Variants in NRG1 observed in about 807,000 individuals in gnomAD.
NRG1 encodes pro-neuregulin-1, membrane-bound isoform.
In NRG1, 18 loss-of-function variants were observed where a neutral mutation model predicts 63.8. The observed-to-expected ratio is 0.28, with a 90% CI of 0.19 to 0.42. The LOEUF is 0.42. NRG1 is among the 10% of genes least tolerant of loss of function. The probability of loss-of-function intolerance (pLI) is 1.00; values close to 1 mark genes in which losing one functional copy is unlikely to be tolerated. For synonymous variants in NRG1, 302 were observed against 301.3 expected (o/e 1.00, Z -0.02); for missense variants, 762 against 814.7 (o/e 0.94, Z 0.79).
At chr8:32,176,107 A>G (rs890617212) in intron 1 of NRG1, among the ~76,000 whole-genome samples, 10 of 152,346 alleles carry the variant, frequency 6.6e-5, no homozygotes, top group Non-Finnish European at 8.8e-5. Flanking sequence ...CCAAAACAGC[A>G]TGGTACTGAT....
intron 1 of NRG1, chr8:32,099,563 G>A (rs1288652214): frequency 6.6e-6 from 1 of 152,216 alleles, no homozygotes; most frequent in African/African-American, 2.4e-5. Flanking sequence ...GGGCAAGAAG[G>A]ACTTAAGAAG....
At chr8:31,994,753 C>T (rs1811694640) in intron 1 of NRG1, among the ~76,000 whole-genome samples, 1 of 149,756 alleles carries the variant, frequency 6.7e-6, no homozygotes, top group South Asian at 2.1e-4. Context: ...TTACACAGAA[C>T]CCTAACCTTG....
chr8:32,459,352 C>T (rs898705868), intron 1 of NRG1, among the ~76,000 whole-genome samples: 2 of 152,158 alleles, frequency 1.3e-5, no homozygotes, highest in African/African-American at 2.4e-5. Flanking sequence ...TACTTCTTCT[C>T]CTTAGTCTAA....
chr8:31,975,801 G>C lies in NRG1; in HGVS notation c.37+336370G>C, dbSNP rs183604542. On this transcript the variant is annotated intron_variant, in intron 1 of 10. Transcript: ENST00000519301. ...ATTATAGGTGAAGTATTCAGGTTAAGTGGCCTAAATTGACACTTTACATGG... is the reference window on the plus strand; with the variant it reads ...ATTATAGGTGAAGTATTCAGGTTAACTGGCCTAAATTGACACTTTACATGG... Among the ~76,000 whole-genome samples, 198 of 152,290 alleles carry C rather than the reference G, an allele frequency of 1.3e-3. 1 individual carries two copies. Among genetic ancestry groups the C allele is most frequent in the African/African-American group, 4.5e-3 (185 of 41,552 alleles).
chr8:32,768,011 T>G (rs139364459), downstream of NRG1: 3 of 152,352 alleles, frequency 2.0e-5, no homozygotes, highest in East Asian at 5.8e-4. Context: ...GACCAGCACC[T>G]TTCATCTCAT....
intron 5 of NRG1, among the ~76,000 whole-genome samples, chr8:32,680,816 T>C (rs1010282503): frequency 1.3e-5 from 2 of 152,150 alleles, no homozygotes; most frequent in Non-Finnish European, 2.9e-5. Context: ...AGAGGCATTA[T>C]GTTATTTATC....
At chr8:31,961,480 A>T (rs1805441747) in intron 1 of NRG1, among the ~76,000 whole-genome samples, 1 of 152,222 alleles carries the variant, frequency 6.6e-6, no homozygotes, top group African/African-American at 2.4e-5. Flanking sequence ...CATTTAAAAA[A>T]ATTCTACCTG....
intron 1 of NRG1, among the ~76,000 whole-genome samples, chr8:32,032,716 G>C (rs1280555228): frequency 3.3e-5 from 5 of 152,114 alleles, no homozygotes; most frequent in African/African-American, 1.2e-4. Context: ...TTCTCCCACT[G>C]TGTAGGTTAC....
chr8:31,960,243 T>C (rs1454464737), intron 1 of NRG1, among the ~76,000 whole-genome samples: 2 of 152,148 alleles, frequency 1.3e-5, no homozygotes, highest in Non-Finnish European at 2.9e-5. Flanking sequence ...CTTTTAACAC[T>C]TAATGGGGTG....
intron 1 of NRG1, among the ~76,000 whole-genome samples, chr8:32,330,144 C>T (rs1802479043): frequency 6.7e-6 from 1 of 148,782 alleles, no homozygotes. Context: ...AGTGATCCTC[C>T]TGCCTTACCT....
intron 1 of NRG1, among the ~76,000 whole-genome samples, chr8:31,643,487 A>G (rs1399276895): frequency 1.3e-5 from 2 of 152,226 alleles, no homozygotes; most frequent in African/African-American, 4.8e-5. Context: ...CTCATCTAAT[A>G]TAAACTCCGG....
chr8:32,161,491 G>A (rs530808418), intron 1 of NRG1, among the ~76,000 whole-genome samples: 1 of 151,638 alleles, frequency 6.6e-6, no homozygotes, highest in African/African-American at 2.4e-5. Context: ...AAAAATAATT[G>A]TGTCTATATT....
intron 1 of NRG1, among the ~76,000 whole-genome samples, chr8:32,530,184 T>C (rs1401294950): frequency 6.6e-6 from 1 of 152,004 alleles, no homozygotes; most frequent in African/African-American, 2.4e-5. Flanking sequence ...CTCGGCTCAC[T>C]GCAAGGTCCG....
chr8:31,780,874 T>C (rs979051909), intron 1 of NRG1, among the ~76,000 whole-genome samples: 1 of 152,192 alleles, frequency 6.6e-6, no homozygotes, highest in African/African-American at 2.4e-5. Context: ...TTTGCCTGTT[T>C]CAGGCACCAT....
At chr8:32,120,161 T>C (rs1442383096) in intron 1 of NRG1, among the ~76,000 whole-genome samples, 1 of 152,226 alleles carries the variant, frequency 6.6e-6, no homozygotes, top group South Asian at 2.1e-4. Context: ...ATTCTAGTTG[T>C]CCCACTGTTT....
intron 1 of NRG1, among the ~76,000 whole-genome samples, chr8:32,526,339 C>G (rs1830838578): frequency 6.6e-6 from 1 of 152,220 alleles, no homozygotes; most frequent in Non-Finnish European, 1.5e-5. Context: ...GGCTCTCTCT[C>G]TATAGCAGTT....
chr8:32,770,629 GGAAAT>G (rs1186913171), downstream of NRG1, among the ~76,000 whole-genome samples: 2 of 152,252 alleles, frequency 1.3e-5, no homozygotes, highest in East Asian at 3.9e-4. Context: ...AGCTTTCTAA[GGAAAT>G]GAAGTGTACG....
rs190546422 is a variant in NRG1, at chr8:31,857,568, G to A, written c.37+218137G>A. On this transcript the variant is annotated intron_variant, in intron 1 of 10. Coordinates refer to the NRG1 transcript ENST00000519301. ...TCAGATGGAAATGCAGAAATCACCC[G>A]TCTTCTGCGTCGCTCACACTGGGAG... 7.2e-3 allele frequency among the ~76,000 whole-genome samples: 1,096 copies of A among 152,282 alleles called. 13 individuals carry two copies. Among genetic ancestry groups the A allele is most frequent in the African/African-American group, 0.024 (1,016 of 41,564 alleles).
At chr8:32,611,546 G>A (rs2466056) in intron 3 of NRG1, among the ~76,000 whole-genome samples, 96,055 of 151,904 alleles carry the variant, frequency 0.63, 31,328 homozygotes, top group African/African-American at 0.77. Flanking sequence ...TCTTTTCAAT[G>A]TATGGTATCC....
Sources: allele counts gnomAD v4.1 joint callset (sites outside exome capture counted in the v4.1 genomes callset), GRCh38; gene constraint gnomAD v4.1.1; transcripts MANE v1.5; gene names NCBI Gene and HGNC (gene_info 2026-07-23, HGNC 2026-07-21).